The following SULF1 variants were observed in gnomAD, a reference collection of about 807,000 sequenced individuals.
SULF1 encodes the protein sulfatase 1, also known as extracellular sulfatase Sulf-1.
Under a neutral mutation model 110.5 loss-of-function variants are expected in SULF1, and 46 were observed. The ratio of observed to expected loss-of-function variants is 0.42; its 90% CI spans 0.33 to 0.53. The LOEUF is 0.53. Ranked by LOEUF, SULF1 falls within the 20% of genes least tolerant of loss-of-function variation. SULF1 has a pLI of 0.12. For missense variants in SULF1, 941 were observed against 1,094.2 expected (o/e 0.86, Z 1.98); for synonymous variants, 371 against 387.1 (o/e 0.96, Z 0.49).
chr8:69,576,144 C>G lies in SULF1; in HGVS notation c.347C>G (p.Ser116Trp). ...AACAACGAGAACTGCTCTTCCCCCT[C>G]GTGGCAGGCCATGCATGAGCCTCGG... ...YTNNENCSSP[S>W]WQAMHEPRTF... The change falls in exon 6 of 23, where the codon TCG becomes TGG. Residue 116 changes from serine to tryptophan, a missense_variant. Coordinates refer to ENST00000402687, the MANE Select transcript of SULF1 (RefSeq NM_001128205.2). The G allele has an allele frequency of 6.2e-7, 1 of 1,614,178 alleles. No homozygotes were observed. Among genetic ancestry groups the G allele is most frequent in the South Asian group, 1.1e-5 (1 of 91,086 alleles).
rs199869649 is a variant in SULF1 at position 69,628,244 on chromosome 8, ACT to A, written c.2108+13_2108+14del. ...CCATCTTCACCCATTCAAGTAAGTA[ACT>A]CTCTGTTTTCCACATTTGCTGGGAG... On this transcript the variant is annotated intron_variant, in intron 18 of 22. Coordinates refer to ENST00000402687, the MANE Select transcript of SULF1 (RefSeq NM_001128205.2). 1.1e-3 allele frequency: 1,767 copies of A among 1,612,732 alleles called. 20 individuals carry two copies. In the African/African-American group the frequency reaches 0.021, roughly 19 times the overall value.
chr8:69,657,775 A>T (rs1175073935), intron 22 of SULF1, among the ~76,000 whole-genome samples: 1 of 152,176 alleles, frequency 6.6e-6, no homozygotes, highest in African/African-American at 2.4e-5. Context: ...AATGGTACTT[A>T]GGCACAACTA....
intron 3 of SULF1, among the ~76,000 whole-genome samples, chr8:69,546,873 T>TTGG (rs1336092172): frequency 6.6e-6 from 1 of 152,204 alleles, no homozygotes; most frequent in Non-Finnish European, 1.5e-5. Flanking sequence ...TTTTTACTGG[T>TTGG]TGGTGGGTTT....
chr8:69,582,529 A>G (rs1029253750), intron 6 of SULF1, among the ~76,000 whole-genome samples: 8 of 152,170 alleles, frequency 5.3e-5, no homozygotes, highest in Admixed American at 3.3e-4. Flanking sequence ...CATTATTATT[A>G]TCACCATAGT....
At chr8:69,584,966 T>C (rs1170445287) in intron 6 of SULF1, among the ~76,000 whole-genome samples, 3 of 152,208 alleles carry the variant, frequency 2.0e-5, no homozygotes, top group Non-Finnish European at 4.4e-5. Context: ...CTAGAATTCG[T>C]TTCTATTATC....
chr8:69,561,875 C>A (rs1382447342), intron 3 of SULF1, among the ~76,000 whole-genome samples: 1 of 152,216 alleles, frequency 6.6e-6, no homozygotes, highest in Non-Finnish European at 1.5e-5. Context: ...ATGCCTGTAT[C>A]AGGTTTCTCA....
At position 69,659,553 on chromosome 8, in the gene SULF1, G is replaced by A. The variant is rs980247614; in HGVS notation, c.*1018G>A. On this transcript the variant is annotated 3_prime_UTR_variant, in exon 23 of 23. Coordinates refer to ENST00000402687, the MANE Select transcript of SULF1 (RefSeq NM_001128205.2). The stretch of plus-strand genomic sequence containing the variant: ...GGGATATTTGGGTTGGCTTGGTTTT[G>A]ATTTTTTGCTTGTTTGTTTGTTTTG... The A allele has an allele frequency of 2.0e-5, 5 of 245,544 alleles. No homozygotes were observed. Among genetic ancestry groups the A allele is most frequent in the Admixed American group, 1.0e-4 (2 of 19,202 alleles). 15.2% of individuals were successfully genotyped at this position (245,544 alleles called of 1,614,324 possible). A position where few individuals can be genotyped will look rare whatever the true frequency, so the allele number is the denominator to read the frequency against.
intron 6 of SULF1, among the ~76,000 whole-genome samples, chr8:69,578,122 C>T (rs1233527549): frequency 6.6e-6 from 1 of 152,166 alleles, no homozygotes; most frequent in Non-Finnish European, 1.5e-5. Flanking sequence ...TTGTAAAGTT[C>T]ACCCAGTCAC....
intron 3 of SULF1, among the ~76,000 whole-genome samples, chr8:69,531,963 A>G (rs1813114786): frequency 6.6e-6 from 1 of 152,276 alleles, no homozygotes; most frequent in African/African-American, 2.4e-5. Context: ...AACAGCAGCC[A>G]TGGCTCTTCA....
chr8:69,603,069 G>C, intron 10 of SULF1, 123 bp from the exon 11 acceptor site: 2 of 1,376,316 alleles, frequency 1.5e-6, no homozygotes, highest in Non-Finnish European at 2.0e-6. Flanking sequence ...CCCATGCCTA[G>C]GAGACCAGAT....
intron 3 of SULF1, among the ~76,000 whole-genome samples, chr8:69,511,550 A>G (rs1286743779): frequency 6.6e-6 from 1 of 152,216 alleles, no homozygotes; most frequent in Non-Finnish European, 1.5e-5. Flanking sequence ...ACATCTGTTG[A>G]GACTTAATTT....
intron 3 of SULF1, among the ~76,000 whole-genome samples, chr8:69,550,875 C>G (rs1182544992): frequency 1.3e-5 from 2 of 152,212 alleles, no homozygotes; most frequent in Admixed American, 6.5e-5. Flanking sequence ...CCCCACTTTT[C>G]CAGCTCACTT....
chr8:69,526,835 A>AAGGG, intron 3 of SULF1, among the ~76,000 whole-genome samples: 1 of 134,846 alleles, frequency 7.4e-6, no homozygotes, highest in East Asian at 2.3e-4. Context: ...GGAAGGAAGG[A>AAGGG]AGGAAGGGAG....
At chr8:69,642,634 C>G (rs1811569395) in intron 22 of SULF1, among the ~76,000 whole-genome samples, 1 of 152,130 alleles carries the variant, frequency 6.6e-6, no homozygotes, top group African/African-American at 2.4e-5. Context: ...ATAAATGGAC[C>G]TACCTCTAAA....
chr8:69,607,642 G>C (rs1808325438), intron 13 of SULF1, among the ~76,000 whole-genome samples: 1 of 152,208 alleles, frequency 6.6e-6, no homozygotes, highest in Non-Finnish European at 1.5e-5. Context: ...GGGATTACAG[G>C]AGCGAGCCTC....
At chr8:69,572,646 C>T (rs534085661) in intron 5 of SULF1, among the ~76,000 whole-genome samples, 5 of 152,250 alleles carry the variant, frequency 3.3e-5, no homozygotes, top group African/African-American at 7.2e-5. Flanking sequence ...GAGGCAGCTT[C>T]GGCTTCACCC....
At chr8:69,588,844 C>T in intron 7 of SULF1, 128 bp from the exon 8 acceptor site, 6 of 816,574 alleles carry the variant, frequency 7.3e-6, no homozygotes, top group Non-Finnish European at 9.4e-6. Context: ...GGAGGTGCAG[C>T]CTTCCTTCCT....
chr8:69,529,771 C>T (rs1218117527), intron 3 of SULF1, among the ~76,000 whole-genome samples: 1 of 152,174 alleles, frequency 6.6e-6, no homozygotes, highest in East Asian at 1.9e-4. Flanking sequence ...CTTGAGTGTC[C>T]TCACCACATG....
chr8:69,474,650 T>C (rs1261638346), intron 1 of SULF1, among the ~76,000 whole-genome samples: 1 of 152,214 alleles, frequency 6.6e-6, no homozygotes, highest in Admixed American at 6.5e-5. Context: ...TAATATTTTT[T>C]ACTTGGGATG....
Sources: allele counts gnomAD v4.1 joint callset (sites outside exome capture counted in the v4.1 genomes callset), GRCh38; gene constraint gnomAD v4.1.1; transcripts MANE v1.5; gene names NCBI Gene and HGNC (gene_info 2026-07-23, HGNC 2026-07-21).